The following GRHL2 variants were observed in gnomAD, a reference collection of about 807,000 sequenced individuals.
GRHL2 encodes grainyhead like transcription factor 2.
A neutral mutation model predicts 83.8 loss-of-function variants in GRHL2; 21 were observed. The observed-to-expected ratio is 0.25, with a 90% CI of 0.18 to 0.36. The LOEUF (loss-of-function observed/expected upper bound fraction) is 0.36. GRHL2 is among the 10% of genes least tolerant of loss of function. The pLI, the probability that GRHL2 is intolerant of heterozygous loss-of-function variation, is 1.00. For missense variants in GRHL2, 623 were observed against 781.8 expected, an observed-to-expected ratio of 0.80 and a Z score of 2.42; for synonymous variants, 280 against 278.9, an observed-to-expected ratio of 1.00 and a Z score of -0.04.
intron 14 of GRHL2, among the ~76,000 whole-genome samples, chr8:101,655,314 T>C (rs1441465205): frequency 6.6e-6 from 1 of 152,244 alleles, no homozygotes; most frequent in Non-Finnish European, 1.5e-5. Flanking sequence ...AAATCATAAC[T>C]GTGTAGTCTT....
At chr8:101,676,024 T>A in the GRHL2 span, among the ~76,000 whole-genome samples, 1 of 152,302 alleles carries the variant, frequency 6.6e-6, no homozygotes, top group African/African-American at 2.4e-5. Flanking sequence ...AAGCTGAAAC[T>A]GGATCCCTTC....
chr8:101,552,994 G>T (rs933143582), intron 3 of GRHL2, among the ~76,000 whole-genome samples: 1 of 152,198 alleles, frequency 6.6e-6, no homozygotes, highest in Non-Finnish European at 1.5e-5. Context: ...ACCCTCTTCA[G>T]ATACCCCTCT....
rs553703753 is a variant in GRHL2 at position 101,584,055 on chromosome 8, C to G, written c.1003+6536C>G. Among the ~76,000 whole-genome samples the G allele has an allele frequency of 2.6e-5, 4 of 152,284 alleles. No homozygotes were observed. In the South Asian group the frequency reaches 8.3e-4, roughly 32 times the overall value. On this transcript the variant is annotated intron_variant, in intron 7 of 15. Transcript: ENST00000646743. ...CAAATAAACATCATTATAGTCACAT[C>G]CAGTGTAAGCATTATTGACACAAGG...
downstream of GRHL2, among the ~76,000 whole-genome samples, chr8:101,671,277 AAG>A (rs1814203333): frequency 1.3e-5 from 2 of 152,172 alleles, no homozygotes; most frequent in South Asian, 4.1e-4. Flanking sequence ...TAGTCAAAGA[AAG>A]GGGTGACAGA....
intron 4 of GRHL2, among the ~76,000 whole-genome samples, chr8:101,560,116 C>T (rs1208547311): frequency 6.6e-6 from 1 of 152,124 alleles, no homozygotes; most frequent in Non-Finnish European, 1.5e-5. Flanking sequence ...AGCGATTCTC[C>T]TGCCTCAGCC....
intron 1 of GRHL2, chr8:101,542,633 G>A: frequency 2.6e-6 from 1 of 382,958 alleles, no homozygotes; most frequent in South Asian, 2.0e-5. Context: ...AGTTTGAAGA[G>A]GACCAATTGT....
chr8:101,659,034 A>G (rs1813858663), intron 14 of GRHL2, among the ~76,000 whole-genome samples: 1 of 152,240 alleles, frequency 6.6e-6, no homozygotes, highest in Admixed American at 6.5e-5. Context: ...AATAAAATAC[A>G]TAGGATTATA....
In GRHL2 at chr8:101,558,485, A is replaced by G. The variant is rs759596706; in HGVS notation, c.351A>G (p.Leu117=). ...GAGGAGAAAACCGAGTGCAAGTCCT[A>G]AAGACTGTTCCAGTGAACCTTTCCC... ...LSGGENRVQV[L]KTVPVNLSLN... Residue 117 remains leucine, a synonymous_variant, in exon 4 of 16, where the codon CTA becomes CTG. Coordinates refer to ENST00000646743, the MANE Select transcript of GRHL2 (RefSeq NM_024915.4). 8.7e-6 allele frequency: 14 copies of G among 1,614,056 alleles called. No individual in the cohort carries two copies. The highest frequency in any genetic ancestry group is 5.0e-5 in the Admixed American group (3 of 59,994).
intron 1 of GRHL2, among the ~76,000 whole-genome samples, chr8:101,539,636 T>C (rs916561445): frequency 2.0e-5 from 3 of 152,226 alleles, no homozygotes; most frequent in South Asian, 2.1e-4. Flanking sequence ...TATCATTAGA[T>C]TAAATATGTA....
At chr8:101,511,087 C>A (rs538789708) in intron 1 of GRHL2, among the ~76,000 whole-genome samples, 2 of 149,506 alleles carry the variant, frequency 1.3e-5, no homozygotes, top group Admixed American at 6.7e-5. Context: ...GGCAACAGAA[C>A]AAGACTCCGT....
intron 4 of GRHL2, among the ~76,000 whole-genome samples, chr8:101,565,929 T>C (rs1213507819): frequency 6.6e-6 from 1 of 152,244 alleles, no homozygotes; most frequent in Non-Finnish European, 1.5e-5. Flanking sequence ...ATTATCTGGA[T>C]AGATGTATGA....
intron 8 of GRHL2, among the ~76,000 whole-genome samples, chr8:101,612,508 GATAGATAGATAGATACATAC>G (rs1280976412): frequency 5.4e-5 from 7 of 128,536 alleles, no homozygotes; most frequent in Admixed American, 1.6e-4. Flanking sequence ...TAGATAGATA[GATAGATAGATAGATACATAC>G]ATACATACAT....
intron 14 of GRHL2, among the ~76,000 whole-genome samples, chr8:101,658,489 G>A (rs1295781473): frequency 2.6e-5 from 4 of 152,188 alleles, no homozygotes; most frequent in Non-Finnish European, 5.9e-5. Flanking sequence ...CAAGTGAATA[G>A]ATGCAAAGCT....
intron 4 of GRHL2, among the ~76,000 whole-genome samples, chr8:101,569,440 A>G (rs1304695654): frequency 6.6e-6 from 1 of 152,194 alleles, no homozygotes; most frequent in Non-Finnish European, 1.5e-5. Flanking sequence ...CTCACTATGT[A>G]CCAGGCTCTA....
intron 14 of GRHL2, among the ~76,000 whole-genome samples, chr8:101,653,243 TG>T (rs112694139): frequency 2.0e-5 from 3 of 152,102 alleles, no homozygotes; most frequent in Admixed American, 6.5e-5. Context: ...AATATCATTG[TG>T]GGGGGGCTTA....
Position 101,652,370 on chromosome 8 carries a change from T to TG in GRHL2, c.1698+2871_1698+2872insG, listed in dbSNP as rs1491412928. Among the ~76,000 whole-genome samples, 55 of 35,058 alleles carry TG rather than the reference T, an allele frequency of 1.6e-3. 2 individuals are homozygous for TG. The highest frequency in any genetic ancestry group is 9.3e-3 in the African/African-American group (50 of 5,380). 23.0% of individuals were successfully genotyped at this position (35,058 alleles called of 152,430 possible). A position where few individuals can be genotyped will look rare whatever the true frequency, so the allele number is the denominator to read the frequency against. ...GTGTGGTGTGTGTGGTGTGTGTGTG[T>TG]CTGATGTGTGTGTGGTGTGTGTGTG... On this transcript the variant is annotated intron_variant, in intron 14 of 15. Transcript: ENST00000646743.
chr8:101,666,508 C>A, intron 15 of GRHL2, 81 bp from the exon 16 acceptor site: 1 of 807,052 alleles, frequency 1.2e-6, no homozygotes, highest in South Asian at 1.4e-5. Flanking sequence ...CTACGAGAAC[C>A]CCCAGCCTGG....
At position 101,543,409 on chromosome 8, in the gene GRHL2, C is replaced by A. The variant is rs1201872507; in HGVS notation, c.189C>A (p.Ala63=). 1.2e-6 allele frequency: 2 copies of A among 1,613,904 alleles called. No individual in the cohort carries two copies. Among genetic ancestry groups the A allele is most frequent in the African/African-American group, 1.3e-5 (1 of 74,900 alleles). ...SINGDEDSAA[A]LGLLYDYYKV... The stretch of plus-strand genomic sequence containing the variant: ...ATGGTGATGAGGACAGTGCTGCTGC[C>A]CTCGGCCTGCTCTATGACTACTACA... Residue 63 remains alanine (A), a synonymous_variant, in exon 2 of 16, where the codon GCC becomes GCA. Transcript: ENST00000646743.
intron 7 of GRHL2, among the ~76,000 whole-genome samples, chr8:101,585,534 G>A (rs1812146145): frequency 6.6e-6 from 1 of 152,122 alleles, no homozygotes; most frequent in African/African-American, 2.4e-5. Flanking sequence ...GAACTCTGGG[G>A]TGTGAGCCAG....
Sources: allele counts gnomAD v4.1 joint callset (sites outside exome capture counted in the v4.1 genomes callset), GRCh38; gene constraint gnomAD v4.1.1; transcripts MANE v1.5; gene names NCBI Gene and HGNC (gene_info 2026-07-23, HGNC 2026-07-21).